Variants in PIP4K2A observed in about 807,000 individuals in gnomAD.
PIP4K2A encodes the protein phosphatidylinositol-5-phosphate 4-kinase type 2 alpha.
In PIP4K2A, 14 loss-of-function variants were observed where a neutral mutation model predicts 42.9. The ratio of observed to expected loss-of-function variants is 0.33; its 90% CI spans 0.22 to 0.51. The LOEUF (loss-of-function observed/expected upper bound fraction) is 0.51, where lower values mean the gene tolerates loss of function less well. PIP4K2A is among the 20% of genes least tolerant of loss of function. The probability of loss-of-function intolerance (pLI) is 0.97; values close to 1 mark genes in which losing one functional copy is unlikely to be tolerated. For synonymous variants in PIP4K2A, 192 were observed against 192.2 expected, an observed-to-expected ratio of 1.00 and a Z score of 0.01; for missense variants, 434 against 519.8, an observed-to-expected ratio of 0.83 and a Z score of 1.61.
At chr10:22,649,711 TG>T (rs1268742585) in intron 1 of PIP4K2A, among the ~76,000 whole-genome samples, 1 of 151,944 alleles carries the variant, frequency 6.6e-6, no homozygotes, top group Admixed American at 6.6e-5. Context: ...AGGAACGGGG[TG>T]GACAGCTACA....
chr10:22,664,063 A>ATATGTATATATACG, intron 1 of PIP4K2A, among the ~76,000 whole-genome samples: 1 of 79,178 alleles, frequency 1.3e-5, no homozygotes, highest in East Asian at 2.4e-4. Flanking sequence ...GTATATATAC[A>ATATGTATATATACG]TATATATATA....
chr10:22,595,539 T>C (rs1837615542), intron 3 of PIP4K2A, among the ~76,000 whole-genome samples: 2 of 152,110 alleles, frequency 1.3e-5, no homozygotes, highest in African/African-American at 4.8e-5. Flanking sequence ...GGCGGATCAC[T>C]TGAGGCCAGG....
At chr10:22,640,014 CTTTTTTTTTTTTTTT>C (rs71395806) in intron 1 of PIP4K2A, among the ~76,000 whole-genome samples, 21 of 92,354 alleles carry the variant, frequency 2.3e-4, no homozygotes, top group Non-Finnish European at 1.4e-4. Flanking sequence ...GATGTGTTGT[CTTTTTTTTTTTTTTT>C]TTTTTTTTTT....
At chr10:22,667,796 A>T (rs1316559594) in intron 1 of PIP4K2A, among the ~76,000 whole-genome samples, 2 of 152,140 alleles carry the variant, frequency 1.3e-5, no homozygotes, top group Admixed American at 1.3e-4. Flanking sequence ...AAAGTTTTAG[A>T]AGTAAATAAT....
At chr10:22,698,629 G>A (rs1833640561) in intron 1 of PIP4K2A, among the ~76,000 whole-genome samples, 1 of 152,060 alleles carries the variant, frequency 6.6e-6, no homozygotes, top group Non-Finnish European at 1.5e-5. Flanking sequence ...TGAAAGTAAT[G>A]GCAACAACCA....
intron 1 of PIP4K2A, among the ~76,000 whole-genome samples, chr10:22,661,267 A>C (rs1839199464): frequency 6.6e-6 from 1 of 152,100 alleles, no homozygotes; most frequent in African/African-American, 2.4e-5. Flanking sequence ...TCATGAAAGC[A>C]ACACTTATCC....
chr10:22,581,573 A>G (rs1490517213), intron 4 of PIP4K2A, among the ~76,000 whole-genome samples: 2 of 149,936 alleles, frequency 1.3e-5, no homozygotes, highest in Non-Finnish European at 3.0e-5. Context: ...TCTAAAAAAA[A>G]AAAAAAAAAA....
Position 22,545,860 on chromosome 10 carries a change from T to G in PIP4K2A, c.793-3813A>C, listed in dbSNP as rs889990974. Among the ~76,000 whole-genome samples the G allele has an allele frequency of 3.3e-5, 5 of 152,230 alleles. No homozygotes were observed. In the East Asian group the frequency reaches 9.6e-4, roughly 29 times the overall value. On this transcript the variant is annotated intron_variant, in intron 7 of 9. Coordinates refer to ENST00000376573, the MANE Select transcript of PIP4K2A (RefSeq NM_005028.5). ...GCTGGATTACAGAGGTGCACCACCA[T>G]GCCCAGCTAATTATTTTTTATTTTG...
chr10:22,672,155 A>C (rs1324471698), intron 1 of PIP4K2A, among the ~76,000 whole-genome samples: 1 of 152,196 alleles, frequency 6.6e-6, no homozygotes, highest in Non-Finnish European at 1.5e-5. Flanking sequence ...AGTTATTGTT[A>C]AATGAAAAAA....
chr10:22,599,147 T>C (rs1185709427), intron 3 of PIP4K2A, among the ~76,000 whole-genome samples: 2 of 152,212 alleles, frequency 1.3e-5, no homozygotes, highest in Non-Finnish European at 2.9e-5. Flanking sequence ...CTCCAAGCAT[T>C]CTTCTTCCTT....
intron 1 of PIP4K2A, among the ~76,000 whole-genome samples, chr10:22,634,541 A>T (rs764253566): frequency 4.6e-5 from 7 of 152,180 alleles, no homozygotes; most frequent in Non-Finnish European, 7.4e-5. Flanking sequence ...CTTGTTTCTT[A>T]TAATAGGATC....
intron 1 of PIP4K2A, among the ~76,000 whole-genome samples, chr10:22,637,472 T>C (rs892743346): frequency 1.1e-4 from 16 of 152,228 alleles, no homozygotes; most frequent in Non-Finnish European, 2.9e-5. Flanking sequence ...CCTTGGACTA[T>C]GGAAACCTGC....
chr10:22,543,606 C>T (rs1188643607), intron 7 of PIP4K2A, among the ~76,000 whole-genome samples: 1 of 152,216 alleles, frequency 6.6e-6, no homozygotes, highest in Non-Finnish European at 1.5e-5. Context: ...TTTCCACTTG[C>T]ACCTCTCTCT....
intron 1 of PIP4K2A, among the ~76,000 whole-genome samples, chr10:22,664,531 TCTTA>T (rs972801948): frequency 6.6e-6 from 1 of 151,822 alleles, no homozygotes; most frequent in African/African-American, 2.4e-5. Flanking sequence ...TTTCTTTTGA[TCTTA>T]CTTATGATAA....
chr10:22,608,239 C>T (rs1837952754), intron 2 of PIP4K2A, among the ~76,000 whole-genome samples: 1 of 152,184 alleles, frequency 6.6e-6, no homozygotes, highest in Non-Finnish European at 1.5e-5. Flanking sequence ...CACAGGCACG[C>T]TTGGACTATG....
intron 1 of PIP4K2A, among the ~76,000 whole-genome samples, chr10:22,664,772 T>C (rs1040313089): frequency 6.6e-6 from 1 of 152,140 alleles, no homozygotes; most frequent in Non-Finnish European, 1.5e-5. Flanking sequence ...ACAGACATCT[T>C]CTAGGTCTTA....
intron 2 of PIP4K2A, among the ~76,000 whole-genome samples, chr10:22,609,210 C>T (rs1837978207): frequency 6.6e-6 from 1 of 152,210 alleles, no homozygotes; most frequent in South Asian, 2.1e-4. Context: ...CCCAACATGG[C>T]ATCTAATTGT....
At chr10:22,617,635 C>T (rs1838203483) in intron 1 of PIP4K2A, among the ~76,000 whole-genome samples, 1 of 152,134 alleles carries the variant, frequency 6.6e-6, no homozygotes, top group Admixed American at 6.5e-5. Context: ...AGACAATTCC[C>T]TACAAATTAT....
At chr10:22,615,422 C>G (rs1472171875) in intron 1 of PIP4K2A, among the ~76,000 whole-genome samples, 3 of 152,148 alleles carry the variant, frequency 2.0e-5, no homozygotes, top group African/African-American at 4.8e-5. Context: ...AGAATTGACA[C>G]TTTTCTAAGA....
Sources: allele counts gnomAD v4.1 joint callset (sites outside exome capture counted in the v4.1 genomes callset), GRCh38; gene constraint gnomAD v4.1.1; transcripts MANE v1.5; gene names NCBI Gene and HGNC (gene_info 2026-07-23, HGNC 2026-07-21).